The following TG variants were observed in gnomAD, a reference collection of about 807,000 sequenced individuals.
The protein encoded by TG is thyroid hormones.
TG carries 270 observed loss-of-function variants against 324.7 expected under a neutral mutation model. That is an observed-to-expected ratio of 0.83 (90% CI 0.75 to 0.92). The LOEUF (loss-of-function observed/expected upper bound fraction) is 0.92, where lower values mean the gene tolerates loss of function less well. TG is among the 40% of genes least tolerant of loss of function. TG has a pLI of 0.00. For synonymous variants in TG, 1,401 were observed against 1,327.0 expected (o/e 1.06, Z -1.21); for missense variants, 3,591 against 3,456.4 (o/e 1.04, Z -0.98).
intron 6 of TG, 40 bp from the exon 7 acceptor site, chr8:132,882,429 G>T: frequency 1.2e-6 from 2 of 1,613,804 alleles, no homozygotes; most frequent in Non-Finnish European, 1.7e-6. Flanking sequence ...CTTCCTTTCT[G>T]AATGAGACCA....
Position 132,893,697 on chromosome 8 carries a change from C to G in TG, c.2769C>G (p.Gly923=), listed in dbSNP as rs575480573. Residue 923 remains glycine, a synonymous_variant, in exon 11 of 48, where the codon GGC becomes GGG. Transcript: ENST00000220616. ...SEPSKLPTCP[G]SCEEAKLRVL... ...TTATTTTTATTCCCCTAGGTCCTGG[C>G]TCCTGTGAGGAAGCAAAGCTCCGTG... is the stretch of plus-strand genomic sequence containing the variant. 3.7e-6 allele frequency: 6 copies of G among 1,613,632 alleles called. No individual in the cohort carries two copies. Among genetic ancestry groups the G allele is most frequent in the Non-Finnish European group, 5.1e-6 (6 of 1,179,888 alleles).
chr8:132,872,993 T>C (rs535758456), intron 4 of TG, 69 bp from the exon 5 acceptor site: 9 of 1,553,998 alleles, frequency 5.8e-6, no homozygotes, highest in Non-Finnish European at 8.0e-6. Flanking sequence ...CACGAGTGCA[T>C]ATGCTGCTCG....
At chr8:132,925,173 A>T (rs751655213) in intron 22 of TG, among the ~76,000 whole-genome samples, 1 of 152,222 alleles carries the variant, frequency 6.6e-6, no homozygotes, top group Non-Finnish European at 1.5e-5. Flanking sequence ...TATTGCCAAT[A>T]TTTTAGCTGA....
rs375996100 is a variant in TG at position 132,893,777 on chromosome 8, G to C, written c.2849G>C (p.Arg950Pro). Residue 950 changes from arginine to proline, a missense_variant, in exon 11 of 48, where the codon CGG becomes CCG. Coordinates refer to ENST00000220616, the MANE Select transcript of TG (RefSeq NM_003235.5). ...ATTGTTTCAGCTTCCAACAGTTCTCGGTTCCCTCTGGGGGAGAGTTTCCTG... is the reference window on the plus strand; with the variant it reads ...ATTGTTTCAGCTTCCAACAGTTCTCCGTTCCCTCTGGGGGAGAGTTTCCTG... ...EEIVSASNSS[R>P]FPLGESFLVA... The C allele has an allele frequency of 2.4e-5, 38 of 1,613,844 alleles. No homozygotes were observed. The highest frequency in any genetic ancestry group is 1.6e-4 in the Middle Eastern group (1 of 6,082).
chr8:133,001,213 G>A (rs1287254964), intron 35 of TG, among the ~76,000 whole-genome samples: 4 of 143,346 alleles, frequency 2.8e-5, no homozygotes, highest in Admixed American at 1.4e-4. Flanking sequence ...GGACTGCAAC[G>A]TGTGAATTTT....
rs758002273 is a variant in TG, at chr8:133,134,689, CG to C, written c.8205del (p.Gln2736SerfsTer10). The C allele has an allele frequency of 2.0e-5, 32 of 1,613,918 alleles. No individual in the cohort carries two copies. The East Asian group carries it at 6.7e-4, about 34-fold the overall frequency. ...LKTSADGAKG[G>X]QSAESEEEEL... ...CCTCTGTTTCAGATGGAGCCAAGGG[CG>C]GGCAGTCAGCAGAGAGTGAAGAGGA... On this transcript the variant is annotated frameshift_variant, in exon 48 of 48. Coordinates refer to ENST00000220616, the MANE Select transcript of TG (RefSeq NM_003235.5). LOFTEE classifies it low-confidence loss of function (END_TRUNC).
intron 44 of TG, among the ~76,000 whole-genome samples, chr8:133,114,126 C>T (rs572527795): frequency 2.0e-5 from 3 of 152,204 alleles, no homozygotes; most frequent in East Asian, 1.9e-4. Context: ...CAGGCCCACC[C>T]GGCACGTGGG....
chr8:133,002,308 T>C (rs1833594597), intron 35 of TG: 1 of 985,450 alleles, frequency 1.0e-6, no homozygotes, highest in Non-Finnish European at 1.2e-6. Flanking sequence ...CAATTTTTAA[T>C]GTAAATTATT....
At chr8:132,996,708 A>C (rs1164743017) in intron 35 of TG, among the ~76,000 whole-genome samples, 1 of 152,208 alleles carries the variant, frequency 6.6e-6, no homozygotes, top group African/African-American at 2.4e-5. Context: ...GAGAAGAAGT[A>C]GGCATTTAGA....
intron 41 of TG, chr8:133,087,904 C>T (rs1375232043): frequency 2.0e-5 from 3 of 152,244 alleles, no homozygotes; most frequent in Non-Finnish European, 4.4e-5. Context: ...GGGTCTTAAC[C>T]TCTTTCACCT....
chr8:132,959,334 A>G (rs1261356477), intron 27 of TG, among the ~76,000 whole-genome samples: 1 of 152,210 alleles, frequency 6.6e-6, no homozygotes, highest in Non-Finnish European at 1.5e-5. Flanking sequence ...CCAATGAAAG[A>G]CCATGTATGT....
At chr8:133,117,483 C>T (rs532739658) in intron 45 of TG, among the ~76,000 whole-genome samples, 20 of 152,178 alleles carry the variant, frequency 1.3e-4, no homozygotes, top group Non-Finnish European at 2.5e-4. Flanking sequence ...TGTTCTACTG[C>T]CCCATGAGCT....
At chr8:133,046,758 G>C (rs1839490197) in intron 41 of TG, among the ~76,000 whole-genome samples, 1 of 145,076 alleles carries the variant, frequency 6.9e-6, no homozygotes, top group Non-Finnish European at 1.5e-5. Flanking sequence ...TGATCTTTCT[G>C]TACCCCAGCA....
At chr8:133,059,131 C>T (rs888884975) in intron 41 of TG, 23 of 456,282 alleles carry the variant, frequency 5.0e-5, no homozygotes, top group South Asian at 2.0e-4. Flanking sequence ...CAGCCATCTG[C>T]GCCAGTGAAC....
At chr8:133,078,589 T>C (rs1415948867) in intron 41 of TG, among the ~76,000 whole-genome samples, 1 of 152,242 alleles carries the variant, frequency 6.6e-6, no homozygotes, top group Non-Finnish European at 1.5e-5. Flanking sequence ...CAGTTATTCA[T>C]TCAACAAATT....
intron 34 of TG, among the ~76,000 whole-genome samples, chr8:132,979,215 G>A (rs1283832063): frequency 2.0e-5 from 3 of 152,118 alleles, no homozygotes; most frequent in Non-Finnish European, 2.9e-5. Context: ...TCCTGGAAGG[G>A]GTGGGCCTCT....
chr8:132,913,309 AG>A (rs756254036), intron 20 of TG, 44 bp downstream of exon 20: 5 of 1,600,688 alleles, frequency 3.1e-6, no homozygotes, highest in Non-Finnish European at 4.3e-6. Flanking sequence ...GAGCCATGTG[AG>A]GCTTTAGGAA....
chr8:132,989,541 A>G (rs570599626), intron 35 of TG, among the ~76,000 whole-genome samples: 75 of 152,324 alleles, frequency 4.9e-4, no homozygotes, highest in Middle Eastern at 3.4e-3. Flanking sequence ...TCAGCTTTCC[A>G]GCACCTCTCT....
intron 40 of TG, among the ~76,000 whole-genome samples, chr8:133,024,567 G>T (rs566309711): frequency 7.9e-6 from 1 of 126,422 alleles, no homozygotes; most frequent in Admixed American, 7.8e-5. Context: ...CTTGCCCCCC[G>T]CCCCCCAACA....
Sources: allele counts gnomAD v4.1 joint callset (sites outside exome capture counted in the v4.1 genomes callset), GRCh38; gene constraint gnomAD v4.1.1; transcripts MANE v1.5; gene names NCBI Gene and HGNC (gene_info 2026-07-23, HGNC 2026-07-21).